STOM: variants seen among roughly 807,000 people sequenced by gnomAD.
STOM encodes the protein stomatin.
STOM carries 25 observed loss-of-function variants against 30.6 expected under a neutral mutation model. That is an observed-to-expected ratio of 0.82 (90% CI 0.60 to 1.14). The LOEUF (loss-of-function observed/expected upper bound fraction) is 1.14. Among genes scored for constraint, STOM ranks in the 50% most tolerant of loss-of-function variants. STOM has a pLI of 0.00. For missense variants in STOM, 292 were observed against 365.2 expected, an observed-to-expected ratio of 0.80 and a Z score of 1.63; for synonymous variants, 118 against 130.8, an observed-to-expected ratio of 0.90 and a Z score of 0.67.
intron 1 of STOM, among the ~76,000 whole-genome samples, chr9:121,361,989 T>C (rs2064457860): frequency 6.6e-6 from 1 of 152,218 alleles, no homozygotes; most frequent in Non-Finnish European, 1.5e-5. Flanking sequence ...ATGTTGCTGA[T>C]CTGATCCGTC....
Position 121,370,113 on chromosome 9 carries a change from G to T in STOM, c.61+14C>A. Reference sequence around the variant, plus strand: ...CTCGGTCCACGGGGGAGGGTCAGGGGACGCGGGACTCACCCTTGAAGGAGT... The same window carrying T: ...CTCGGTCCACGGGGGAGGGTCAGGGTACGCGGGACTCACCCTTGAAGGAGT... On this transcript the variant is annotated intron_variant, in intron 1 of 6. Coordinates refer to ENST00000286713, the MANE Select transcript of STOM (RefSeq NM_004099.6). The T allele has an allele frequency of 6.5e-7, 1 of 1,538,142 alleles. No individual in the cohort carries two copies. Among genetic ancestry groups the T allele is most frequent in the Non-Finnish European group, 8.7e-7 (1 of 1,143,122 alleles).
intron 1 of STOM, among the ~76,000 whole-genome samples, chr9:121,363,891 T>G (rs2064478508): frequency 6.6e-6 from 1 of 152,174 alleles, no homozygotes; most frequent in South Asian, 2.1e-4. Context: ...AGCAAGGCCT[T>G]TATAAGGCCT....
At chr9:121,368,906 T>C (rs1294506288) in intron 1 of STOM, among the ~76,000 whole-genome samples, 1 of 144,760 alleles carries the variant, frequency 6.9e-6, no homozygotes, top group Non-Finnish European at 1.5e-5. Context: ...CACTCCAGCC[T>C]GGGCAAGAAA....
rs1248410121 is a variant in STOM at position 121,340,531 on chromosome 9, G to T, written c.*671C>A. 2.5e-6 allele frequency: 2 copies of T among 802,316 alleles called. No homozygotes were observed. Among genetic ancestry groups the T allele is most frequent in the Admixed American group, 6.2e-5 (1 of 16,012 alleles). The allele number at this position is 802,316 out of a possible 1,614,324, so 49.7% of individuals were successfully genotyped here. A position where few individuals can be genotyped will look rare whatever the true frequency, so the allele number is the denominator to read the frequency against. ...GTGGGTGGATCACCTGAGGTTAGGAGTTCGTGACTAGCCTGGCCAACATGG... is the reference window on the plus strand; with the variant it reads ...GTGGGTGGATCACCTGAGGTTAGGATTTCGTGACTAGCCTGGCCAACATGG... On this transcript the variant is annotated 3_prime_UTR_variant, in exon 7 of 7. Transcript: ENST00000286713.
At chr9:121,347,991 A>G (rs57195806) in intron 6 of STOM, 24 bp downstream of exon 6, 2 of 1,584,744 alleles carry the variant, frequency 1.3e-6, no homozygotes, top group East Asian at 4.5e-5. Flanking sequence ...TCAGTAAGAA[A>G]AACAAGTTTA....
chr9:121,355,998 G>T, intron 2 of STOM, 55 bp downstream of exon 2: 1 of 1,382,966 alleles, frequency 7.2e-7, no homozygotes, highest in Non-Finnish European at 1.0e-6. Context: ...ACACGAAGTA[G>T]GTTTATGGAG....
chr9:121,362,383 C>A (rs1271282534), intron 1 of STOM, among the ~76,000 whole-genome samples: 1 of 152,118 alleles, frequency 6.6e-6, no homozygotes, highest in Non-Finnish European at 1.5e-5. Flanking sequence ...TCCCTCCCAT[C>A]CATGTTATGA....
intron 6 of STOM, among the ~76,000 whole-genome samples, chr9:121,342,722 A>G (rs901698318): frequency 6.6e-6 from 1 of 152,238 alleles, no homozygotes; most frequent in Non-Finnish European, 1.5e-5. Flanking sequence ...GTCAATATTT[A>G]CAACATGCCA....
At position 121,349,264 on chromosome 9, in the gene STOM, C is replaced by T. The variant is rs569334983; in HGVS notation, c.381G>A (p.Gln127=). 5.0e-6 allele frequency: 8 copies of T among 1,614,130 alleles called. No individual in the cohort carries two copies. In the South Asian group the frequency reaches 7.7e-5, roughly 16 times the overall value. Residue 127 remains glutamine (Q), a synonymous_variant, in exon 5 of 7, where the codon CAG becomes CAA. Transcript: ENST00000286713. The stretch of plus-strand genomic sequence containing the variant: ...TATTTGCCACAGCCAGGGTTGCATT[C>T]TGAACGCGGTAATAGACCACACCAT... The part of the protein sequence containing the change: ...SVDGVVYYRV[Q]NATLAVANIT...
At chr9:121,355,414 C>T (rs2064379176) in intron 2 of STOM, among the ~76,000 whole-genome samples, 1 of 150,714 alleles carries the variant, frequency 6.6e-6, no homozygotes, top group African/African-American at 2.4e-5. Context: ...ATTACTCATG[C>T]ATTGTTAATT....
chr9:121,349,292 A>T lies in STOM; in HGVS notation c.353T>A (p.Val118Glu). 2 of 1,614,166 alleles carry T rather than the reference A, an allele frequency of 1.2e-6. No individual in the cohort carries two copies. The highest frequency in any genetic ancestry group is 1.7e-6 in the Non-Finnish European group (2 of 1,180,020). The change falls in exon 5 of 7, where the codon GTG becomes GAG. Residue 118 changes from valine (V) to glutamate (E), a missense_variant. Transcript: ENST00000286713. Reference sequence around the variant, plus strand: ...AACGCGGTAATAGACCACACCATCCACGCTAATTGTCACTGAATCCTTTGT... The same window carrying T: ...AACGCGGTAATAGACCACACCATCCTCGCTAATTGTCACTGAATCCTTTGT... ...ILTKDSVTIS[V>E]DGVVYYRVQN...
At chr9:121,353,366 G>T in intron 3 of STOM, 64 bp from the exon 4 acceptor site, 1 of 1,142,292 alleles carries the variant, frequency 8.8e-7, no homozygotes. Context: ...TCTCCATTCA[G>T]TTTTAAGAAA....
chr9:121,369,593 G>A (rs1420406098), intron 1 of STOM, among the ~76,000 whole-genome samples: 1 of 152,102 alleles, frequency 6.6e-6, no homozygotes, highest in Non-Finnish European at 1.5e-5. Context: ...AGTGGAGCTA[G>A]AAAGAGAGGT....
chr9:121,357,441 T>TATATATATATATATATATA lies in STOM; in HGVS notation c.62-1286_62-1285insTATATATATATATATATAT, dbSNP rs1564631312. On this transcript the variant is annotated intron_variant, in intron 1 of 6. Transcript: ENST00000286713. ...TTTTAAATGATATATATATATATAT[T>TATATATATATATATATATA]TATTTATTTATTTTTTGAGACAGAG... Among the ~76,000 whole-genome samples, 453 of 73,852 alleles carry TATATATATATATATATATA rather than the reference T, an allele frequency of 6.1e-3. 11 individuals are homozygous for TATATATATATATATATATA. Among genetic ancestry groups the TATATATATATATATATATA allele is most frequent in the East Asian group, 0.044 (88 of 2,000 alleles). 48.4% of individuals were successfully genotyped at this position (73,852 alleles called of 152,430 possible).
intron 6 of STOM, among the ~76,000 whole-genome samples, chr9:121,342,487 C>T (rs2064255412): frequency 1.3e-5 from 2 of 151,574 alleles, no homozygotes; most frequent in Admixed American, 6.6e-5. Flanking sequence ...AAATATGTTG[C>T]AGTATGTTAA....
chr9:121,361,633 C>T (rs551825102), intron 1 of STOM, among the ~76,000 whole-genome samples: 6 of 152,246 alleles, frequency 3.9e-5, no homozygotes, highest in African/African-American at 1.4e-4. Flanking sequence ...CGTGATCCTC[C>T]GGCCTCGGCC....
chr9:121,348,971 C>T (rs2064314144), intron 5 of STOM, 149 bp downstream of exon 5: 3 of 810,550 alleles, frequency 3.7e-6, no homozygotes, highest in Non-Finnish European at 5.7e-6. Context: ...AATGTCCCCT[C>T]CTGCCAAATT....
chr9:121,369,478 G>A lies in STOM; in HGVS notation c.61+649C>T, dbSNP rs190212943. On this transcript the variant is annotated intron_variant, in intron 1 of 6. Transcript: ENST00000286713. ...GCCTTGAAGACTGGGAAGGGAGGGT[G>A]GGGGTGAGGGTGGGAGAACTCAGGG... 1.3e-3 allele frequency among the ~76,000 whole-genome samples: 198 copies of A among 152,228 alleles called. 1 individual carries two copies. Among genetic ancestry groups the A allele is most frequent in the African/African-American group, 4.5e-3 (188 of 41,524 alleles).
At chr9:121,367,985 A>G (rs996425942) in intron 1 of STOM, among the ~76,000 whole-genome samples, 3 of 152,236 alleles carry the variant, frequency 2.0e-5, no homozygotes, top group Non-Finnish European at 4.4e-5. Context: ...TGAAATGGTG[A>G]ATAATGACTT....
Sources: allele counts gnomAD v4.1 joint callset (sites outside exome capture counted in the v4.1 genomes callset), GRCh38; gene constraint gnomAD v4.1.1; transcripts MANE v1.5; gene names NCBI Gene and HGNC (gene_info 2026-07-23, HGNC 2026-07-21).